The following DNAJC11 variants were observed in gnomAD, a reference collection of about 807,000 sequenced individuals.
DNAJC11 encodes the protein DnaJ heat shock protein family (Hsp40) member C11, also known as dnaJ homolog subfamily C member 11.
DNAJC11 carries 15 observed loss-of-function variants against 78.6 expected under a neutral mutation model. The observed-to-expected ratio is 0.19, with a 90% CI of 0.13 to 0.29. The LOEUF (loss-of-function observed/expected upper bound fraction) is 0.29, where lower values mean the gene tolerates loss of function less well. DNAJC11 is among the 10% of genes least tolerant of loss of function. The pLI is 1.00. For missense variants in DNAJC11, 547 were observed against 709.6 expected (o/e 0.77, Z 2.60); for synonymous variants, 292 against 272.1 (o/e 1.07, Z -0.72).
At chr1:6,697,547 G>C (rs1642857153) in intron 1 of DNAJC11, among the ~76,000 whole-genome samples, 1 of 152,180 alleles carries the variant, frequency 6.6e-6, no homozygotes, top group Non-Finnish European at 1.5e-5. Context: ...AGCTCAGGCG[G>C]TGATGCTTGC....
chr1:6,637,537 C>T, intron 12 of DNAJC11, 33 bp from the exon 13 acceptor site: 1 of 1,613,290 alleles, frequency 6.2e-7, no homozygotes, highest in South Asian at 1.1e-5. Flanking sequence ...CAGTCAGGGC[C>T]CTGCCAGGCC....
intron 7 of DNAJC11, chr1:6,651,156 C>T (rs768392619): frequency 3.3e-5 from 18 of 544,250 alleles, no homozygotes; most frequent in Admixed American, 1.5e-4. Context: ...TCAATCAACC[C>T]GATGATGAGG....
At chr1:6,646,031 T>A in intron 7 of DNAJC11, 53 bp from the exon 8 acceptor site, 1 of 1,567,048 alleles carries the variant, frequency 6.4e-7, no homozygotes, top group South Asian at 1.1e-5. Context: ...CTCTCAGCTG[T>A]TCTGTTACTT....
At chr1:6,677,413 C>T (rs1248699164) in intron 3 of DNAJC11, among the ~76,000 whole-genome samples, 1 of 152,022 alleles carries the variant, frequency 6.6e-6, no homozygotes, top group Non-Finnish European at 1.5e-5. Context: ...CCATCTCAGC[C>T]TCCTGAATAG....
chr1:6,652,887 C>G lies in DNAJC11; in HGVS notation c.572G>C (p.Gly191Ala), dbSNP rs1388688984. The change falls in exon 6 of 16, where the codon GGA (glycine) becomes GCA (alanine). Residue 191 changes from glycine to alanine, a missense_variant. Transcript: ENST00000377577. ...GAGCGCAAAGTTAATGGAACCTCCTCCATTTCCATTCTGGGTTGAGAGGCT... is the reference window on the plus strand; with the variant it reads ...GAGCGCAAAGTTAATGGAACCTCCTGCATTTCCATTCTGGGTTGAGAGGCT... ...SGSLSTQNGNGGGSINFALRR... is the reference protein window; with the variant it reads ...SGSLSTQNGNAGGSINFALRR... 1 of 1,614,218 alleles carries G rather than the reference C, an allele frequency of 6.2e-7. No homozygotes were observed. Among genetic ancestry groups the G allele is most frequent in the Non-Finnish European group, 8.5e-7 (1 of 1,180,042 alleles).
intron 4 of DNAJC11, among the ~76,000 whole-genome samples, chr1:6,666,393 T>C (rs1223876335): frequency 1.1e-5 from 1 of 93,252 alleles, no homozygotes; most frequent in Non-Finnish European, 2.4e-5. Flanking sequence ...TTCTTTTTTT[T>C]TTTTTTTTTT....
chr1:6,691,555 G>A (rs1156392874), intron 1 of DNAJC11, among the ~76,000 whole-genome samples: 1 of 152,160 alleles, frequency 6.6e-6, no homozygotes, highest in Admixed American at 6.6e-5. Flanking sequence ...CTAAAAGCCT[G>A]ACCTTATACC....
At chr1:6,655,728 G>A (rs1642116268) in intron 4 of DNAJC11, among the ~76,000 whole-genome samples, 1 of 151,768 alleles carries the variant, frequency 6.6e-6, no homozygotes, top group African/African-American at 2.4e-5. Context: ...AGAACTGCTT[G>A]AACCTGAAAG....
chr1:6,646,980 C>A (rs942298721), intron 7 of DNAJC11, among the ~76,000 whole-genome samples: 1 of 151,870 alleles, frequency 6.6e-6, no homozygotes, highest in South Asian at 2.1e-4. Context: ...CATGACAAAA[C>A]CCCCATCTCT....
At chr1:6,662,128 GTTTTTTGTTTT>G (rs1642224602) in intron 4 of DNAJC11, among the ~76,000 whole-genome samples, 15 of 137,866 alleles carry the variant, frequency 1.1e-4, no homozygotes, top group African/African-American at 3.8e-4. Flanking sequence ...ATTGTTTTTT[GTTTTTTGTTTT>G]TTTTTTTTGT....
At chr1:6,683,423 CAG>C (rs1292991718) in intron 1 of DNAJC11, among the ~76,000 whole-genome samples, 3 of 152,320 alleles carry the variant, frequency 2.0e-5, no homozygotes, top group South Asian at 2.1e-4. Flanking sequence ...TGAAACCAGA[CAG>C]AGACTATGAA....
Position 6,637,338 on chromosome 1 carries a change from G to C in DNAJC11, c.1384C>G (p.Leu462Val). 1 of 1,614,184 alleles carries C rather than the reference G, an allele frequency of 6.2e-7. No homozygotes were observed. The highest frequency in any genetic ancestry group is 8.5e-7 in the Non-Finnish European group (1 of 1,180,040). The change falls in exon 14 of 16, where the codon CTC becomes GTC. Residue 462 changes from leucine (L) to valine (V), a missense_variant and splice_region_variant. Transcript: ENST00000377577. Reference protein sequence around the residue: ...IIEAEESRMGLIIVNAWYGKF... With the variant: ...IIEAEESRMGVIIVNAWYGKF... ...CCGTACCAGGCATTGACGATGATGA[G>C]GCCTAAGGACAGACTCCGAGTAGAG... is the stretch of plus-strand genomic sequence containing the variant.
intron 1 of DNAJC11, among the ~76,000 whole-genome samples, chr1:6,695,039 G>A (rs534996871): frequency 2.8e-5 from 4 of 144,982 alleles, no homozygotes; most frequent in African/African-American, 7.6e-5. Context: ...CCGGCTACTC[G>A]GGAGGCTGAG....
intron 3 of DNAJC11, among the ~76,000 whole-genome samples, chr1:6,669,513 TAGAAAAGAAAAGAAA>T (rs60740818): frequency 0.049 from 5,999 of 121,770 alleles, 213 homozygotes; most frequent in African/African-American, 0.11. Flanking sequence ...AACTCTGTCT[TAGAAAAGAAAAGAAA>T]AGAAAAGAAA....
intron 9 of DNAJC11, 32 bp from the exon 10 acceptor site, chr1:6,644,706 C>T (rs1397273807): frequency 1.3e-6 from 2 of 1,571,052 alleles, no homozygotes; most frequent in Admixed American, 3.3e-5. Flanking sequence ...TGTGCCTGTG[C>T]CCCTCATTCA....
chr1:6,648,404 C>T (rs555364543), intron 7 of DNAJC11, among the ~76,000 whole-genome samples: 8 of 152,336 alleles, frequency 5.3e-5, no homozygotes, highest in African/African-American at 1.9e-4. Context: ...GACCCGCCTG[C>T]CTTGGCCTCC....
intron 3 of DNAJC11, among the ~76,000 whole-genome samples, chr1:6,677,762 TTGTC>T (rs1170921873): frequency 6.6e-6 from 1 of 152,154 alleles, no homozygotes; most frequent in Non-Finnish European, 1.5e-5. Flanking sequence ...AGCAAACAAA[TTGTC>T]TGGATTTTAG....
Position 6,645,016 on chromosome 1 carries a change from C to G in DNAJC11, c.980+25G>C, listed in dbSNP as rs1641943865. Reference sequence around the variant, plus strand: ...ACCCGCATGCAGTACCAGTGTGCTTCCATTTTAGCCAGGCCAGGACTTACT... The same window carrying G: ...ACCCGCATGCAGTACCAGTGTGCTTGCATTTTAGCCAGGCCAGGACTTACT... On this transcript the variant is annotated intron_variant, in intron 9 of 15. Transcript: ENST00000377577. This position sits in a 1 kb window ranked among gnomAD's most constrained non-coding sequence, Gnocchi z 4.1. 6.2e-7 allele frequency: 1 copy of G among 1,608,480 alleles called. No individual in the cohort carries two copies. Among genetic ancestry groups the G allele is most frequent in the Non-Finnish European group, 8.5e-7 (1 of 1,175,002 alleles).
chr1:6,663,323 C>T (rs1642246088), intron 4 of DNAJC11, among the ~76,000 whole-genome samples: 1 of 152,140 alleles, frequency 6.6e-6, no homozygotes, highest in Non-Finnish European at 1.5e-5. Flanking sequence ...CTAACTTAAT[C>T]ATCTGCTCCA....
Sources: gnomAD v4.1 joint callset for allele counts (sites outside exome capture counted in the v4.1 genomes callset) on GRCh38, gnomAD v4.1.1 for gene constraint, Gnocchi (gnomAD v3.1) non-coding constraint, MANE v1.5 for transcripts, NCBI Gene and HGNC (gene_info 2026-07-23, HGNC 2026-07-21) for gene names.